The following MROH1 variants were observed in gnomAD, a reference collection of about 807,000 sequenced individuals.
MROH1 encodes maestro heat like repeat family member 1.
A neutral mutation model predicts 116.5 loss-of-function variants in MROH1; 117 were observed. That is an observed-to-expected ratio of 1.00 (90% confidence interval 0.86 to 1.17). MROH1 has a LOEUF of 1.17. Ranked by LOEUF, MROH1 falls within the 50% of genes most tolerant of loss-of-function variation. MROH1 has a pLI of 0.00. For missense variants in MROH1, 1,873 were observed against 1,338.5 expected, an observed-to-expected ratio of 1.40 and a Z score of -6.23; for synonymous variants, 921 against 583.9, an observed-to-expected ratio of 1.58 and a Z score of -8.32.
At position 144,168,723 on chromosome 8, in the gene MROH1, G is replaced by A. The variant is rs188727456; in HGVS notation, c.168+283G>A. On this transcript the variant is annotated intron_variant, in intron 4 of 43. Coordinates refer to ENST00000326134, the MANE Select transcript of MROH1 (RefSeq NM_032450.3). ...CTCACTAAGTGGAGGCCTAATGGCC[G>A]GGCTGTGTGCCTAGTGCCTGAGGGA... Among the ~76,000 whole-genome samples the A allele has an allele frequency of 6.3e-3, 964 of 152,298 alleles. 37 individuals carry two copies. The highest frequency in any genetic ancestry group is 0.05 in the Admixed American group (768 of 15,294).
chr8:144,181,568 G>C (rs1825731281), intron 7 of MROH1, among the ~76,000 whole-genome samples: 1 of 152,184 alleles, frequency 6.6e-6, no homozygotes, highest in Admixed American at 6.5e-5. Flanking sequence ...TCCTTCACAG[G>C]CTCTTTCTCA....
At chr8:144,239,560 G>T in intron 17 of MROH1, 54 bp from the exon 18 acceptor site, 1 of 765,510 alleles carries the variant, frequency 1.3e-6, no homozygotes, top group East Asian at 2.5e-5. Context: ...TGCAGGTTGT[G>T]GGCATGACCA....
intron 7 of MROH1, among the ~76,000 whole-genome samples, chr8:144,188,487 T>G (rs1261940492): frequency 2.2e-5 from 1 of 46,472 alleles, no homozygotes; most frequent in Non-Finnish European, 3.6e-5. Flanking sequence ...TTTTTTTTTT[T>G]GAGACAATCT....
chr8:144,198,247 T>C (rs1370239820), intron 10 of MROH1, among the ~76,000 whole-genome samples: 2 of 151,982 alleles, frequency 1.3e-5, no homozygotes, highest in East Asian at 3.9e-4. Context: ...TGCTGAAGAA[T>C]TGCTTTGGAG....
Position 144,180,884 on chromosome 8 carries a change from G to A in MROH1, c.562+361G>A, listed in dbSNP as rs1404126154. ...TCTCTGGGCATCCCAGGACCCAGGG[G>A]ATGGGGGCACATTCATTCACCCCCA... On this transcript the variant is annotated intron_variant, in intron 7 of 43. Transcript: ENST00000326134. This position sits in a 1 kb window ranked among gnomAD's most constrained non-coding sequence, Gnocchi z 7.4. Among the ~76,000 whole-genome samples, 9 of 152,128 alleles carry A rather than the reference G, an allele frequency of 5.9e-5. No homozygotes were observed. In the East Asian group the frequency reaches 1.7e-3, roughly 29 times the overall value.
At chr8:144,249,154 C>A (rs1484732269) in intron 32 of MROH1, 125 bp downstream of exon 32, 2 of 671,292 alleles carry the variant, frequency 3.0e-6, no homozygotes, top group Non-Finnish European at 5.4e-6. Flanking sequence ...AACAGTGAGG[C>A]TGGCCCTGGC....
intron 10 of MROH1, chr8:144,192,764 G>A: frequency 2.4e-6 from 1 of 413,610 alleles, no homozygotes; most frequent in South Asian, 2.0e-5. Context: ...GCAGAGGAGA[G>A]GCCCTGGGCT....
intron 13 of MROH1, among the ~76,000 whole-genome samples, chr8:144,222,493 G>A (rs775718252): frequency 1.1e-4 from 16 of 152,182 alleles, no homozygotes; most frequent in Non-Finnish European, 1.6e-4. Context: ...AGCAGACACA[G>A]GCGCAGGTGC....
chr8:144,248,827 C>T lies in MROH1; in HGVS notation c.3121-50C>T, dbSNP rs1204792675. ...GAGACCCGATGCCTAACAGAAGTGGCGTTGGGGGTGCCCCCCTTCCCTCAA... is the reference window on the plus strand; with the variant it reads ...GAGACCCGATGCCTAACAGAAGTGGTGTTGGGGGTGCCCCCCTTCCCTCAA... On this transcript the variant is annotated intron_variant, in intron 31 of 43. Transcript: ENST00000326134. The T allele has an allele frequency of 3.3e-5, 25 of 765,618 alleles. 2 individuals are homozygous for T. Among genetic ancestry groups the T allele is most frequent in the South Asian group, 5.6e-5 (4 of 71,588 alleles). The allele number at this position is 765,618 out of a possible 1,614,324, so 47.4% of individuals were successfully genotyped here.
chr8:144,175,046 G>A (rs1177606189), intron 4 of MROH1: 1 of 985,438 alleles, frequency 1.0e-6, no homozygotes, highest in Non-Finnish European at 1.2e-6. Context: ...TACATGAAGA[G>A]AATTAGTAGC....
chr8:144,255,382 TGCA>T (rs1843547767), intron 34 of MROH1, 124 bp from the exon 35 acceptor site: 3 of 674,876 alleles, frequency 4.4e-6, no homozygotes, highest in Middle Eastern at 7.8e-4. Context: ...CTTCCTGCGC[TGCA>T]GCTGGGATCT....
chr8:144,165,512 C>T (rs1820592431), intron 3 of MROH1, among the ~76,000 whole-genome samples: 2 of 152,136 alleles, frequency 1.3e-5, no homozygotes, highest in South Asian at 4.1e-4. Flanking sequence ...TCAAATGATC[C>T]TCCTACCTCG....
At chr8:144,187,762 C>T (rs1827554386) in intron 7 of MROH1, among the ~76,000 whole-genome samples, 1 of 152,004 alleles carries the variant, frequency 6.6e-6, no homozygotes, top group Non-Finnish European at 1.5e-5. Flanking sequence ...GCCAGTGGCC[C>T]CATGAAGGGG....
Position 144,150,224 on chromosome 8 carries a change from G to A in MROH1, c.-177+2148G>A, listed in dbSNP as rs1027968691. Among the ~76,000 whole-genome samples the A allele has an allele frequency of 6.6e-3, 1,001 of 152,260 alleles. 7 individuals carry two copies. The highest frequency in any genetic ancestry group is 0.023 in the African/African-American group (956 of 41,538). On this transcript the variant is annotated intron_variant, in intron 1 of 43. Transcript: ENST00000326134. The stretch of plus-strand genomic sequence containing the variant: ...CTCTGGGCCTGGGATGGTGACTGGC[G>A]GGTGTTTACTAAATGTGGTTGAATT...
chr8:144,159,952 G>C (rs1819109832), intron 1 of MROH1, among the ~76,000 whole-genome samples: 1 of 152,010 alleles, frequency 6.6e-6, no homozygotes, highest in Admixed American at 6.6e-5. Context: ...GTATTTTTTA[G>C]TAGAGACAGG....
chr8:144,245,912 C>T (rs1244901724), intron 29 of MROH1, among the ~76,000 whole-genome samples: 2 of 152,124 alleles, frequency 1.3e-5, no homozygotes, highest in African/African-American at 2.4e-5. Context: ...CCTCCTGTCT[C>T]GGCCTCCTAA....
intron 2 of MROH1, among the ~76,000 whole-genome samples, chr8:144,162,084 CTT>C (rs1179685748): frequency 0.061 from 8,302 of 135,978 alleles, 825 homozygotes; most frequent in African/African-American, 0.21. Context: ...TTTTTCTTTT[CTT>C]TTTTTTTTTT....
At position 144,180,401 on chromosome 8, in the gene MROH1, CT is replaced by C; in HGVS notation, c.464-21del. 6.2e-7 allele frequency: 1 copy of C among 1,612,514 alleles called. No homozygotes were observed. On this transcript the variant is annotated intron_variant, in intron 6 of 43. Transcript: ENST00000326134. This position sits in a 1 kb window ranked among gnomAD's most constrained non-coding sequence, Gnocchi z 7.4. ...GGGCGCTGGAAGCCTTGGCGGAGGC[CT>C]TTGACGGTGTCCTCTCTCACAGCGT...
chr8:144,175,499 T>A, intron 4 of MROH1: 1 of 985,486 alleles, frequency 1.0e-6, no homozygotes, highest in South Asian at 4.7e-5. Context: ...GTTCCTGCAC[T>A]ATACCGGCCG....
Sources: gnomAD v4.1 joint callset for allele counts (sites outside exome capture counted in the v4.1 genomes callset) on GRCh38, gnomAD v4.1.1 for gene constraint, Gnocchi (gnomAD v3.1) non-coding constraint, MANE v1.5 for transcripts, NCBI Gene and HGNC (gene_info 2026-07-23, HGNC 2026-07-21) for gene names.